The following SEMA3E variants were observed in gnomAD, a reference collection of about 807,000 sequenced individuals.
SEMA3E encodes semaphorin-3E.
A neutral mutation model predicts 93.6 loss-of-function variants in SEMA3E; 49 were observed. The ratio of observed to expected loss-of-function variants is 0.52; its 90% CI spans 0.42 to 0.66. The LOEUF (loss-of-function observed/expected upper bound fraction) is 0.66. SEMA3E is among the 30% of genes least tolerant of loss of function. The probability of loss-of-function intolerance (pLI) is 0.00; values close to 1 mark genes in which losing one functional copy is unlikely to be tolerated. For synonymous variants in SEMA3E, 363 were observed against 330.7 expected (o/e 1.10, Z -1.06); for missense variants, 906 against 964.8 (o/e 0.94, Z 0.81).
At position 83,385,390 on chromosome 7, in the gene SEMA3E, TA is replaced by T. The variant is rs1562755663; in HGVS notation, c.1778del (p.Ile593LysfsTer34). 6.2e-7 allele frequency: 1 copy of T among 1,613,626 alleles called. No homozygotes were observed. Among genetic ancestry groups the T allele is most frequent in the South Asian group, 1.1e-5 (1 of 91,080 alleles). ...ATTCCAGCAAAGTACTGTTGTTCTC[TA>T]TGCCATAAGCCAGATGTTCTTCAGT... Reference protein sequence around the residue: ...DKTEEHLAYGIENNSTLLECT... With the variant: ...DKTEEHLAYGXENNSTLLECT... On this transcript the variant is annotated frameshift_variant, in exon 16 of 17. Coordinates refer to ENST00000643230, the MANE Select transcript of SEMA3E (RefSeq NM_012431.3). LOFTEE classifies it high-confidence loss of function.
intron 4 of SEMA3E, among the ~76,000 whole-genome samples, chr7:83,457,855 AT>A (rs1179431086): frequency 6.6e-6 from 1 of 152,070 alleles, no homozygotes; most frequent in Non-Finnish European, 1.5e-5. Flanking sequence ...ACCAACATAA[AT>A]TTCTGCAAAC....
intron 1 of SEMA3E, chr7:83,641,329 T>C: frequency 1.0e-6 from 1 of 968,496 alleles, no homozygotes; most frequent in African/African-American, 1.8e-5. Flanking sequence ...CCAGATATCT[T>C]ACCTGTTCAT....
rs1477692326 is a variant in SEMA3E, at chr7:83,385,405, A to G, written c.1764T>C (p.His588=). ...VGDALDKTEE[H]LAYGIENNST... Reference sequence around the variant, plus strand: ...TGTTGTTCTCTATGCCATAAGCCAGATGTTCTTCAGTCTTATCCAAAGCAT... The same window carrying G: ...TGTTGTTCTCTATGCCATAAGCCAGGTGTTCTTCAGTCTTATCCAAAGCAT... The change falls in exon 16 of 17, where the codon CAT becomes CAC. Residue 588 remains histidine (H), a synonymous_variant. Transcript: ENST00000643230. 6.2e-7 allele frequency: 1 copy of G among 1,613,512 alleles called. No homozygotes were observed. The highest frequency in any genetic ancestry group is 2.2e-5 in the East Asian group (1 of 44,834).
At chr7:83,428,083 A>G (rs1277543828) in intron 4 of SEMA3E, among the ~76,000 whole-genome samples, 1 of 152,228 alleles carries the variant, frequency 6.6e-6, no homozygotes, top group Non-Finnish European at 1.5e-5. Context: ...TGTCTCTAAA[A>G]TATAAATGGT....
chr7:83,408,285 A>C (rs368221767), intron 6 of SEMA3E, 83 bp downstream of exon 6: 1 of 1,497,576 alleles, frequency 6.7e-7, no homozygotes, highest in East Asian at 2.3e-5. Flanking sequence ...TTATATTCTT[A>C]TTATTATCAA....
intron 1 of SEMA3E, among the ~76,000 whole-genome samples, chr7:83,518,980 TA>T (rs1452414000): frequency 1.3e-5 from 2 of 152,086 alleles, no homozygotes; most frequent in Non-Finnish European, 2.9e-5. Flanking sequence ...TTTATTTTAT[TA>T]TTATTATACT....
chr7:83,440,654 T>G (rs1221925691), intron 4 of SEMA3E, among the ~76,000 whole-genome samples: 1 of 151,838 alleles, frequency 6.6e-6, no homozygotes, highest in Non-Finnish European at 1.5e-5. Context: ...ATTCAAGACT[T>G]AGATAAAAAT....
At chr7:83,635,730 C>A (rs1352235858) in intron 1 of SEMA3E, among the ~76,000 whole-genome samples, 1 of 151,772 alleles carries the variant, frequency 6.6e-6, no homozygotes, top group Non-Finnish European at 1.5e-5. Flanking sequence ...TTGAGAAAGT[C>A]AAATAGCTTT....
chr7:83,422,873 A>G (rs1788692525), intron 4 of SEMA3E, among the ~76,000 whole-genome samples: 1 of 152,246 alleles, frequency 6.6e-6, no homozygotes, highest in Non-Finnish European at 1.5e-5. Context: ...GAATTTTAAG[A>G]TCAAGAGAAA....
At chr7:83,390,478 C>A (rs564988481) in intron 14 of SEMA3E, among the ~76,000 whole-genome samples, 9 of 152,144 alleles carry the variant, frequency 5.9e-5, no homozygotes, top group Admixed American at 2.0e-4. Context: ...TTTGGAAGAT[C>A]ATTTTAAACA....
chr7:83,579,902 T>C (rs1792484539), intron 1 of SEMA3E, among the ~76,000 whole-genome samples: 1 of 152,078 alleles, frequency 6.6e-6, no homozygotes, highest in African/African-American at 2.4e-5. Flanking sequence ...TTGATGTTTG[T>C]TTTTGGAAAA....
intron 12 of SEMA3E, among the ~76,000 whole-genome samples, chr7:83,395,562 G>A (rs1423390499): frequency 6.6e-6 from 1 of 152,150 alleles, no homozygotes; most frequent in Non-Finnish European, 1.5e-5. Context: ...ATTCCCAGCT[G>A]AGATGAAACA....
At position 83,408,490 on chromosome 7, in the gene SEMA3E, A is replaced by G. The variant is rs1351334262; in HGVS notation, c.551-3T>C. The stretch of plus-strand genomic sequence containing the variant: ...GAGTCCAGCAAACAATTCACTACCT[A>G]CACGGGAGCATCAGTAAAAAAGAAG... On this transcript the variant is annotated splice_region_variant and splice_polypyrimidine_tract_variant and intron_variant, in intron 5 of 16. Transcript: ENST00000643230. 10 of 1,613,592 alleles carry G rather than the reference A, an allele frequency of 6.2e-6. No individual in the cohort carries two copies. Among genetic ancestry groups the G allele is most frequent in the Non-Finnish European group, 8.5e-6 (10 of 1,179,722 alleles).
At chr7:83,428,236 C>T (rs1584242213) in intron 4 of SEMA3E, among the ~76,000 whole-genome samples, 2 of 152,172 alleles carry the variant, frequency 1.3e-5, no homozygotes, top group Admixed American at 6.5e-5. Context: ...AAATGAGTTT[C>T]CCATTTGTAA....
chr7:83,374,366 T>C (rs1487325540), intron 16 of SEMA3E, among the ~76,000 whole-genome samples: 1 of 151,852 alleles, frequency 6.6e-6, no homozygotes. Flanking sequence ...GCTTTGGGAG[T>C]CCAGATGGCA....
Position 83,622,594 on chromosome 7 carries a change from C to T in SEMA3E, c.115+25834G>A, listed in dbSNP as rs972214306. On this transcript the variant is annotated intron_variant, in intron 1 of 16. Transcript: ENST00000643230. ...TGGAATCAACCCAAATGCCCATCAA[C>T]GATAGACTGGATAAAGAAAATGTGG... Among the ~76,000 whole-genome samples, 5 of 151,990 alleles carry T rather than the reference C, an allele frequency of 3.3e-5. No homozygotes were observed. In the South Asian group the frequency reaches 8.3e-4, roughly 25 times the overall value.
intron 16 of SEMA3E, among the ~76,000 whole-genome samples, chr7:83,376,726 C>G (rs1313176383): frequency 6.6e-6 from 1 of 151,962 alleles, no homozygotes; most frequent in Non-Finnish European, 1.5e-5. Context: ...AATATACATT[C>G]TTTTTTGCAT....
At chr7:83,534,436 A>T (rs1791369457) in intron 1 of SEMA3E, among the ~76,000 whole-genome samples, 1 of 152,124 alleles carries the variant, frequency 6.6e-6, no homozygotes, top group Non-Finnish European at 1.5e-5. Context: ...TTATCTTTTC[A>T]TTTACAATCA....
intron 1 of SEMA3E, among the ~76,000 whole-genome samples, chr7:83,555,530 C>A (rs956859997): frequency 2.0e-5 from 3 of 152,244 alleles, no homozygotes; most frequent in East Asian, 3.9e-4. Flanking sequence ...ACGACTTTCT[C>A]CCACTAGAGG....
Sources: gnomAD v4.1 joint callset for allele counts (sites outside exome capture counted in the v4.1 genomes callset) on GRCh38, gnomAD v4.1.1 for gene constraint, MANE v1.5 for transcripts, NCBI Gene and HGNC (gene_info 2026-07-23, HGNC 2026-07-21) for gene names.